The following ASPH variants were observed in gnomAD, a reference collection of about 807,000 sequenced individuals.
ASPH encodes aspartyl/asparaginyl beta-hydroxylase.
ASPH carries 100 observed loss-of-function variants against 118.4 expected under a neutral mutation model. That is an observed-to-expected ratio of 0.84 (90% CI 0.72 to 1.00). The LOEUF is 1.00. Ranked by LOEUF, ASPH falls within the 50% of genes least tolerant of loss-of-function variation. The pLI is 0.00. For missense variants in ASPH, 920 were observed against 919.5 expected (o/e 1.00, Z -0.01); for synonymous variants, 315 against 325.6 (o/e 0.97, Z 0.35).
At chr8:61,543,628 G>A (rs1447674087) in intron 21 of ASPH, among the ~76,000 whole-genome samples, 1 of 152,118 alleles carries the variant, frequency 6.6e-6, no homozygotes, top group Admixed American at 6.5e-5. Context: ...GCCCCTCACA[G>A]GCAGTTTCTA....
chr8:61,511,565 GACTCAGGTTT>G (rs1808831190), intron 24 of ASPH, among the ~76,000 whole-genome samples: 1 of 152,132 alleles, frequency 6.6e-6, no homozygotes, highest in Non-Finnish European at 1.5e-5. Context: ...TTTATCCCCT[GACTCAGGTTT>G]ACTCAGCTCC....
intron 21 of ASPH, among the ~76,000 whole-genome samples, chr8:61,539,699 G>GGGGGGTGTGT (rs1554618405): frequency 2.4e-5 from 3 of 124,304 alleles, no homozygotes; most frequent in Non-Finnish European, 3.5e-5. Flanking sequence ...ACACTTCTGG[G>GGGGGGTGTGT]GTGTGTGTGT....
chr8:61,697,227 T>C (rs527811017), intron 1 of ASPH, among the ~76,000 whole-genome samples: 1 of 152,232 alleles, frequency 6.6e-6, no homozygotes, highest in Non-Finnish European at 1.5e-5. Context: ...GATACAATTA[T>C]GAATTATAAT....
intron 1 of ASPH, among the ~76,000 whole-genome samples, chr8:61,697,960 A>AC (rs1834328201): frequency 8.6e-5 from 13 of 151,160 alleles, no homozygotes; most frequent in African/African-American, 1.5e-4. Flanking sequence ...GCAGCTAATT[A>AC]GAAAAAAAAA....
intron 22 of ASPH, 50 bp downstream of exon 22, chr8:61,525,927 T>C: frequency 1.2e-6 from 2 of 1,610,114 alleles, no homozygotes; most frequent in African/African-American, 2.7e-5. Context: ...CAGTACCCAC[T>C]TCCCATCAGG....
At chr8:61,505,884 C>T (rs188661453) in intron 24 of ASPH, among the ~76,000 whole-genome samples, 1 of 152,306 alleles carries the variant, frequency 6.6e-6, no homozygotes, top group Non-Finnish European at 1.5e-5. Flanking sequence ...CAGTCCACAG[C>T]TTCCACAGTT....
intron 3 of ASPH, among the ~76,000 whole-genome samples, chr8:61,674,050 T>C (rs1033670709): frequency 1.3e-5 from 2 of 152,256 alleles, no homozygotes; most frequent in African/African-American, 4.8e-5. Context: ...AAATAAAGCC[T>C]GATGAAAAAT....
At chr8:61,713,805 G>GC (rs1158594429) in intron 1 of ASPH, among the ~76,000 whole-genome samples, 1 of 151,726 alleles carries the variant, frequency 6.6e-6, no homozygotes, top group African/African-American at 2.4e-5. Context: ...CCCTCCCCCT[G>GC]CCCCCCGGCG....
intron 22 of ASPH, among the ~76,000 whole-genome samples, chr8:61,522,151 G>A (rs1233369283): frequency 6.6e-6 from 1 of 152,102 alleles, no homozygotes; most frequent in East Asian, 1.9e-4. Context: ...AGTTATTTTT[G>A]GGGAACAAAA....
intron 1 of ASPH, among the ~76,000 whole-genome samples, chr8:61,697,092 A>C (rs969169762): frequency 6.6e-6 from 1 of 152,216 alleles, no homozygotes; most frequent in Non-Finnish European, 1.5e-5. Context: ...CTACAGATGC[A>C]AATGGGGAGG....
At chr8:61,550,380 T>C (rs993695184) in intron 20 of ASPH, among the ~76,000 whole-genome samples, 1 of 152,042 alleles carries the variant, frequency 6.6e-6, no homozygotes, top group African/African-American at 2.4e-5. Flanking sequence ...ATATATTTTA[T>C]ATCAATGTTG....
chr8:61,559,796 A>G (rs570129842), intron 18 of ASPH, among the ~76,000 whole-genome samples: 13 of 152,206 alleles, frequency 8.5e-5, no homozygotes, highest in Non-Finnish European at 1.6e-4. Context: ...GTACATAAAC[A>G]TATCTCAGGC....
intron 22 of ASPH, among the ~76,000 whole-genome samples, chr8:61,524,715 TA>T (rs1814575951): frequency 1.3e-5 from 2 of 152,190 alleles, no homozygotes; most frequent in Non-Finnish European, 2.9e-5. Context: ...ATGCTTTTTA[TA>T]TCCTATAATA....
chr8:61,550,802 T>C (rs940883256), intron 20 of ASPH, among the ~76,000 whole-genome samples: 68 of 152,128 alleles, frequency 4.5e-4, no homozygotes, highest in African/African-American at 1.5e-3. Flanking sequence ...CAGCTATCAT[T>C]GAGGACGCAG....
At chr8:61,531,391 T>C (rs577230699) in intron 21 of ASPH, among the ~76,000 whole-genome samples, 4 of 152,248 alleles carry the variant, frequency 2.6e-5, no homozygotes, top group African/African-American at 9.6e-5. Context: ...TTCTAGTTAT[T>C]CCTGAGGAAG....
intron 3 of ASPH, among the ~76,000 whole-genome samples, chr8:61,654,487 G>A (rs1312012678): frequency 6.6e-6 from 1 of 152,162 alleles, no homozygotes; most frequent in Non-Finnish European, 1.5e-5. Flanking sequence ...CACTGTGCAT[G>A]GACAGCCTGC....
At chr8:61,665,336 CG>C in intron 3 of ASPH, 1 of 1,613,790 alleles carries the variant, frequency 6.2e-7, no homozygotes, top group Non-Finnish European at 8.5e-7. Flanking sequence ...ATCTTTGTCT[CG>C]GGATGCCATT....
rs372448520 is a variant in ASPH, at chr8:61,607,725, T to C, written c.976+11253A>G. The stretch of plus-strand genomic sequence containing the variant: ...GTACCTTCTGAGTACAAAGCACAGC[T>C]AAGTCCCTTTGCAGAAAGTGAACAA... On this transcript the variant is annotated intron_variant, in intron 14 of 24. Transcript: ENST00000379454. Among the ~76,000 whole-genome samples the C allele has an allele frequency of 1.3e-3, 191 of 152,178 alleles. 1 individual carries two copies. The highest frequency in any genetic ancestry group is 4.3e-3 in the African/African-American group (180 of 41,446).
chr8:61,584,883 C>A (rs1034395927), intron 14 of ASPH, among the ~76,000 whole-genome samples: 1 of 152,116 alleles, frequency 6.6e-6, no homozygotes, highest in Non-Finnish European at 1.5e-5. Context: ...ACGTGCCTAT[C>A]CTTCAACAAT....
Sources: allele counts gnomAD v4.1 joint callset (sites outside exome capture counted in the v4.1 genomes callset), GRCh38; gene constraint gnomAD v4.1.1; transcripts MANE v1.5; gene names NCBI Gene and HGNC (gene_info 2026-07-23, HGNC 2026-07-21).